DOCK3: variants seen among roughly 807,000 people sequenced by gnomAD.
DOCK3 encodes dedicator of cytokinesis 3.
In DOCK3, 60 loss-of-function variants were observed where a neutral mutation model predicts 265.6. That is an observed-to-expected ratio of 0.23 (90% CI 0.18 to 0.28). The LOEUF is 0.28. DOCK3 is among the 10% of genes least tolerant of loss of function. The pLI is 1.00. For missense variants in DOCK3, 1,981 were observed against 2,594.3 expected, an observed-to-expected ratio of 0.76 and a Z score of 5.14; for synonymous variants, 881 against 938.0, an observed-to-expected ratio of 0.94 and a Z score of 1.11.
At chr3:51,016,529 A>T (rs756789611) in intron 5 of DOCK3, among the ~76,000 whole-genome samples, 1 of 56,798 alleles carries the variant, frequency 1.8e-5, no homozygotes, top group Non-Finnish European at 2.7e-5. Context: ...ATTTCTATAT[A>T]ATATATGATA....
chr3:51,223,711 C>A lies in DOCK3; in HGVS notation c.1253-1938C>A, dbSNP rs571047485. Among the ~76,000 whole-genome samples, 5 of 152,198 alleles carry A rather than the reference C, an allele frequency of 3.3e-5. No homozygotes were observed. The East Asian group carries it at 9.6e-4, about 29-fold the overall frequency. ...AATTCCAGGTATAACTATGATTTAT[C>A]CCACCATAATAGCAATAACCTGACT... On this transcript the variant is annotated intron_variant, in intron 14 of 52. Coordinates refer to ENST00000266037, the MANE Select transcript of DOCK3 (RefSeq NM_004947.5).
At chr3:51,200,376 T>G (rs1049353481) in intron 12 of DOCK3, among the ~76,000 whole-genome samples, 2 of 145,870 alleles carry the variant, frequency 1.4e-5, no homozygotes, top group Non-Finnish European at 3.0e-5. Context: ...GAGAACAACG[T>G]GAAGAATGCA....
chr3:50,783,905 T>A (rs942140651), intron 2 of DOCK3, among the ~76,000 whole-genome samples: 16 of 151,234 alleles, frequency 1.1e-4, no homozygotes, highest in African/African-American at 3.4e-4. Context: ...TCTCGCTCTG[T>A]TTTCCAGGCT....
intron 2 of DOCK3, among the ~76,000 whole-genome samples, chr3:50,779,726 C>T (rs751902633): frequency 3.9e-5 from 6 of 152,284 alleles, no homozygotes; most frequent in Non-Finnish European, 7.3e-5. Context: ...CTGTCCTCTT[C>T]TGTGGCATAT....
At chr3:51,245,118 T>A (rs79083988) in intron 21 of DOCK3, among the ~76,000 whole-genome samples, 4,391 of 152,100 alleles carry the variant, frequency 0.029, 525 homozygotes, top group East Asian at 0.2. Context: ...CACTTGAGGC[T>A]AGGAGTTCGA....
intron 1 of DOCK3, among the ~76,000 whole-genome samples, chr3:50,710,145 CAAAAAT>C (rs1468755777): frequency 2.0e-5 from 3 of 152,010 alleles, no homozygotes. Flanking sequence ...GCAAATGCAA[CAAAAAT>C]AAAAATAAAT....
chr3:50,946,181 G>A (rs1202134839), intron 5 of DOCK3, among the ~76,000 whole-genome samples: 1 of 148,932 alleles, frequency 6.7e-6, no homozygotes, highest in African/African-American at 2.5e-5. Flanking sequence ...GACTTTTGTT[G>A]CTATTTCATA....
chr3:50,748,345 G>A (rs1031993088), intron 1 of DOCK3, among the ~76,000 whole-genome samples: 2 of 152,104 alleles, frequency 1.3e-5, no homozygotes, highest in Admixed American at 6.6e-5. Context: ...ATTCGGTCTT[G>A]TAAAGTTGAC....
At position 50,911,164 on chromosome 3, in the gene DOCK3, T is replaced by C. The variant is rs1575510200; in HGVS notation, c.218+21083T>C. Among the ~76,000 whole-genome samples, 4 of 152,268 alleles carry C rather than the reference T, an allele frequency of 2.6e-5. No individual in the cohort carries two copies. The South Asian group carries it at 8.3e-4, about 32-fold the overall frequency. Reference sequence around the variant, plus strand: ...TCCGTGCAGAAGCTTTTTAGCTTGTTATCATCCCATTTGTCTGTTTTTGCT... The same window carrying C: ...TCCGTGCAGAAGCTTTTTAGCTTGTCATCATCCCATTTGTCTGTTTTTGCT... On this transcript the variant is annotated intron_variant, in intron 4 of 52. Transcript: ENST00000266037.
At chr3:50,729,378 T>TTTTA (rs1174395057) in intron 1 of DOCK3, among the ~76,000 whole-genome samples, 43 of 147,346 alleles carry the variant, frequency 2.9e-4, no homozygotes, top group Admixed American at 1.8e-3. Flanking sequence ...ATTTATTTAT[T>TTTTA]TTTATTTATT....
Position 50,675,629 on chromosome 3 carries a change from G to A in DOCK3, c.37+329G>A, listed in dbSNP as rs2033896950. Among the ~76,000 whole-genome samples the A allele has an allele frequency of 6.6e-6, 1 of 152,196 alleles. No individual in the cohort carries two copies. The highest frequency in any genetic ancestry group is 2.4e-5 in the African/African-American group (1 of 41,458). The stretch of plus-strand genomic sequence containing the variant: ...TTTTACCCGATAAACCAAATTCTGG[G>A]AATATGTTTTCTCCCCTCCAAAAGC... On this transcript the variant is annotated intron_variant, in intron 1 of 52. Coordinates refer to ENST00000266037, the MANE Select transcript of DOCK3 (RefSeq NM_004947.5). This position sits in a 1 kb window ranked among gnomAD's most constrained non-coding sequence, Gnocchi z 6.1.
chr3:50,925,976 G>T (rs1348567921), intron 4 of DOCK3, among the ~76,000 whole-genome samples: 1 of 151,548 alleles, frequency 6.6e-6, no homozygotes, highest in Non-Finnish European at 1.5e-5. Context: ...GGATTACAAG[G>T]CACGCACCAC....
chr3:50,896,551 A>G (rs143515343), intron 4 of DOCK3, among the ~76,000 whole-genome samples: 73 of 152,092 alleles, frequency 4.8e-4, no homozygotes, highest in African/African-American at 1.7e-3. Flanking sequence ...TTAGTCATGA[A>G]ATCTTTGCCC....
At chr3:51,175,994 A>C (rs2086926047) in intron 12 of DOCK3, among the ~76,000 whole-genome samples, 1 of 152,214 alleles carries the variant, frequency 6.6e-6, no homozygotes, top group African/African-American at 2.4e-5. Context: ...CATACGAGGA[A>C]GACTCAAATA....
At position 50,976,852 on chromosome 3, in the gene DOCK3, G is replaced by C. The variant is rs2077469759; in HGVS notation, c.315+42775G>C. On this transcript the variant is annotated intron_variant, in intron 5 of 52. Transcript: ENST00000266037. ...CTGTATTGGATGCATATATATTTAG[G>C]ATAGTTAGCTCTTCTTGTTGAATTG... Among the ~76,000 whole-genome samples, 4 of 150,810 alleles carry C rather than the reference G, an allele frequency of 2.7e-5. No homozygotes were observed. In the South Asian group the frequency reaches 8.5e-4, roughly 32 times the overall value.
chr3:51,322,043 T>A (rs1392578224), intron 32 of DOCK3, among the ~76,000 whole-genome samples: 1 of 149,644 alleles, frequency 6.7e-6, no homozygotes, highest in Non-Finnish European at 1.5e-5. Context: ...TCACCAAGGT[T>A]GAAATGAAGG....
intron 2 of DOCK3, among the ~76,000 whole-genome samples, chr3:50,783,320 C>T (rs1389106265): frequency 6.6e-6 from 1 of 152,052 alleles, no homozygotes; most frequent in Non-Finnish European, 1.5e-5. Flanking sequence ...CTCTTTTCAC[C>T]ACATCCGTGC....
At chr3:51,366,403 G>A (rs771382690) in intron 49 of DOCK3, among the ~76,000 whole-genome samples, 2 of 151,726 alleles carry the variant, frequency 1.3e-5, no homozygotes, top group Non-Finnish European at 2.9e-5. Context: ...TCTTGCTAGT[G>A]GTCTATCAAT....
intron 1 of DOCK3, among the ~76,000 whole-genome samples, chr3:50,732,554 A>G (rs1330604618): frequency 6.6e-6 from 1 of 152,098 alleles, no homozygotes; most frequent in Non-Finnish European, 1.5e-5. Context: ...ACGGGTGCAC[A>G]CCATCATGCC....
Sources: allele counts gnomAD v4.1 joint callset (sites outside exome capture counted in the v4.1 genomes callset), GRCh38; gene constraint gnomAD v4.1.1; non-coding constraint Gnocchi (gnomAD v3.1); transcripts MANE v1.5; gene names NCBI Gene and HGNC (gene_info 2026-07-23, HGNC 2026-07-21).